The following EYS variants were observed in gnomAD, a reference collection of about 807,000 sequenced individuals.
EYS encodes EGF-like photoreceptor maintenance factor, also known as protein eyes shut homolog.
EYS carries 250 observed loss-of-function variants against 282.1 expected under a neutral mutation model. The observed-to-expected ratio is 0.89, with a 90% CI of 0.80 to 0.98. The LOEUF is 0.98. EYS is among the 50% of genes least tolerant of loss of function. EYS has a pLI of 0.00. For missense variants in EYS, 4,016 were observed against 3,709.0 expected, an observed-to-expected ratio of 1.08 and a Z score of -2.15; for synonymous variants, 1,355 against 1,282.9, an observed-to-expected ratio of 1.06 and a Z score of -1.20.
intron 8 of EYS, among the ~76,000 whole-genome samples, chr6:65,361,046 G>A (rs6455039): frequency 0.67 from 102,131 of 151,542 alleles, 34,513 homozygotes; most frequent in South Asian, 0.71. Context: ...TTTTACCCAA[G>A]GTATTATAAT....
At chr6:65,586,768 T>C (rs1344118243) in intron 2 of EYS, among the ~76,000 whole-genome samples, 1 of 152,088 alleles carries the variant, frequency 6.6e-6, no homozygotes, top group Non-Finnish European at 1.5e-5. Flanking sequence ...TATTGAGTAG[T>C]AGTGTGTACA....
chr6:65,107,739 C>G (rs529110718), intron 12 of EYS, among the ~76,000 whole-genome samples: 1 of 151,558 alleles, frequency 6.6e-6, no homozygotes, highest in South Asian at 2.1e-4. Context: ...GCCTTTTAAT[C>G]AGGCTGTCTC....
chr6:64,210,422 G>T (rs1765728796), intron 31 of EYS, among the ~76,000 whole-genome samples: 1 of 152,042 alleles, frequency 6.6e-6, no homozygotes, highest in Admixed American at 6.6e-5. Flanking sequence ...TTTTCTCTGT[G>T]AGCCTGTATC....
intron 26 of EYS, among the ~76,000 whole-genome samples, chr6:64,543,075 C>T (rs190238683): frequency 1.3e-3 from 195 of 152,192 alleles, no homozygotes; most frequent in Non-Finnish European, 2.1e-3. Context: ...TTGGCTTTCA[C>T]CGGTCCTTGT....
intron 2 of EYS, among the ~76,000 whole-genome samples, chr6:65,517,317 A>G (rs1767174520): frequency 6.8e-6 from 1 of 147,020 alleles, no homozygotes; most frequent in South Asian, 2.1e-4. Flanking sequence ...AGTATTTTGG[A>G]ATCTGTTTTT....
At chr6:64,709,996 C>T (rs6915156) in intron 22 of EYS, among the ~76,000 whole-genome samples, 5,864 of 151,870 alleles carry the variant, frequency 0.039, 254 homozygotes, top group East Asian at 0.14. Flanking sequence ...ATTAATTTTC[C>T]AAAATATGAA....
intron 33 of EYS, among the ~76,000 whole-genome samples, chr6:64,013,930 A>AT (rs1768764188): frequency 6.6e-6 from 1 of 152,096 alleles, no homozygotes; most frequent in Non-Finnish European, 1.5e-5. Context: ...AAACCTACAC[A>AT]TGTTCAGTTT....
intron 33 of EYS, among the ~76,000 whole-genome samples, chr6:64,064,705 TAAA>T (rs1480899055): frequency 6.6e-6 from 1 of 152,174 alleles, no homozygotes; most frequent in Admixed American, 6.5e-5. Flanking sequence ...TACTTAAAAG[TAAA>T]GAAGAAAATC....
rs1436967169 is a variant in EYS at position 64,815,809 on chromosome 6, G to A, written c.3244-2232C>T. ...GACCCCAGTGATATATTCATTCAAC[G>A]TGTACTGAAAATATTATGCCAGGAA... On this transcript the variant is annotated intron_variant, in intron 21 of 42. Transcript: ENST00000503581. 2.6e-5 allele frequency among the ~76,000 whole-genome samples: 4 copies of A among 152,026 alleles called. No individual in the cohort carries two copies. The East Asian group carries it at 5.8e-4, about 22-fold the overall frequency.
chr6:65,376,842 ACCCAATACAAAAGTG>A (rs1329948849), intron 8 of EYS, among the ~76,000 whole-genome samples: 22 of 152,186 alleles, frequency 1.4e-4, no homozygotes, highest in Admixed American at 4.6e-4. Flanking sequence ...ATATATATGC[ACCCAATACAAAAGTG>A]CCCAGATTCA....
chr6:64,358,431 G>A (rs1771902609), intron 29 of EYS, among the ~76,000 whole-genome samples: 1 of 151,574 alleles, frequency 6.6e-6, no homozygotes, highest in Non-Finnish European at 1.5e-5. Flanking sequence ...CAGGTATTTG[G>A]GATGCAATTC....
At position 65,595,613 on chromosome 6, in the gene EYS, A is replaced by G. The variant is rs1765377299; in HGVS notation, c.-333+44165T>C. On this transcript the variant is annotated intron_variant, in intron 2 of 42. Coordinates refer to ENST00000503581, the MANE Select transcript of EYS (RefSeq NM_001142800.2). The stretch of plus-strand genomic sequence containing the variant: ...AGGAGTTAATGCATGTAAAATACCT[A>G]GGACATAAAGCGTCAATAAAACAGC... Among the ~76,000 whole-genome samples the G allele has an allele frequency of 3.3e-5, 5 of 151,494 alleles. No homozygotes were observed. The South Asian group carries it at 1.0e-3, about 32-fold the overall frequency.
chr6:65,015,481 G>T (rs1240847866), intron 13 of EYS, among the ~76,000 whole-genome samples: 2 of 152,060 alleles, frequency 1.3e-5, no homozygotes, highest in Non-Finnish European at 2.9e-5. Flanking sequence ...TCCTAAAAAT[G>T]GAATAAAGTA....
intron 22 of EYS, among the ~76,000 whole-genome samples, chr6:64,690,758 T>A (rs992649802): frequency 6.6e-6 from 1 of 151,896 alleles, no homozygotes; most frequent in Non-Finnish European, 1.5e-5. Context: ...ATGTTCACAC[T>A]CATAGGCGGG....
intron 5 of EYS, among the ~76,000 whole-genome samples, chr6:65,481,050 G>A (rs1200844431): frequency 6.6e-6 from 1 of 152,124 alleles, no homozygotes; most frequent in African/African-American, 2.4e-5. Context: ...CTACAACATT[G>A]TAAGGTGAAT....
intron 12 of EYS, among the ~76,000 whole-genome samples, chr6:65,116,086 C>A (rs55842420): frequency 6.6e-6 from 1 of 151,738 alleles, no homozygotes; most frequent in Non-Finnish European, 1.5e-5. Context: ...CAACACTAAA[C>A]AGTAACATTT....
At chr6:65,330,165 T>G in intron 11 of EYS, 1 of 981,298 alleles carries the variant, frequency 1.0e-6, no homozygotes, top group Non-Finnish European at 1.2e-6. Context: ...TTCTGAAGAG[T>G]GTATAATCTT....
At chr6:65,563,472 A>T (rs1361248091) in intron 2 of EYS, among the ~76,000 whole-genome samples, 1 of 152,124 alleles carries the variant, frequency 6.6e-6, no homozygotes, top group Non-Finnish European at 1.5e-5. Context: ...TTTATTTGTT[A>T]TAGAAAACCA....
chr6:63,771,409 T>C (rs954359385), intron 40 of EYS, among the ~76,000 whole-genome samples: 18 of 152,050 alleles, frequency 1.2e-4, no homozygotes, highest in Admixed American at 3.3e-4. Context: ...ATAAACCTCT[T>C]CCTTCAACAT....
Sources: gnomAD v4.1 joint callset for allele counts (sites outside exome capture counted in the v4.1 genomes callset) on GRCh38, gnomAD v4.1.1 for gene constraint, MANE v1.5 for transcripts, NCBI Gene and HGNC (gene_info 2026-07-23, HGNC 2026-07-21) for gene names.